FSTL5: variants seen among roughly 807,000 people sequenced by gnomAD.
FSTL5 encodes follistatin like 5.
FSTL5 carries 62 observed loss-of-function variants against 89.1 expected under a neutral mutation model. The observed-to-expected ratio is 0.70, with a 90% CI of 0.57 to 0.86. FSTL5 has a LOEUF of 0.86. Among genes scored for constraint, FSTL5 ranks in the 40% least tolerant of loss-of-function variants. The pLI, the probability that FSTL5 is intolerant of heterozygous loss-of-function variation, is 0.00. For missense variants in FSTL5, 1,057 were observed against 1,001.6 expected, an observed-to-expected ratio of 1.06 and a Z score of -0.75; for synonymous variants, 383 against 346.2, an observed-to-expected ratio of 1.11 and a Z score of -1.18.
chr4:162,129,648 G>C (rs377028056), intron 1 of FSTL5, among the ~76,000 whole-genome samples: 1 of 152,102 alleles, frequency 6.6e-6, no homozygotes, highest in African/African-American at 2.4e-5. Context: ...ATAAGAGAAG[G>C]CATCTCACAG....
At chr4:161,566,100 CTATA>C (rs59511238) in intron 8 of FSTL5, among the ~76,000 whole-genome samples, 1,474 of 53,894 alleles carry the variant, frequency 0.027, 38 homozygotes, top group South Asian at 0.11. Context: ...TTTTTTTGGA[CTATA>C]TATATATATA....
At chr4:161,565,878 T>C (rs77736077) in intron 8 of FSTL5, among the ~76,000 whole-genome samples, 5,322 of 151,108 alleles carry the variant, frequency 0.035, 314 homozygotes, top group African/African-American at 0.12. Flanking sequence ...GGTGAACATA[T>C]GTGTGCAGAT....
chr4:162,147,125 T>A (rs1432689908), intron 1 of FSTL5, among the ~76,000 whole-genome samples: 1 of 152,110 alleles, frequency 6.6e-6, no homozygotes, highest in East Asian at 1.9e-4. Flanking sequence ...GAACATAAAA[T>A]GAAATTTAGT....
intron 13 of FSTL5, among the ~76,000 whole-genome samples, chr4:161,471,557 C>T (rs772113774): frequency 2.2e-4 from 34 of 152,146 alleles, no homozygotes; most frequent in Non-Finnish European, 4.0e-4. Context: ...CACAGCAATG[C>T]TTGCTTCATA....
chr4:162,106,236 A>AG lies in FSTL5; in HGVS notation c.126+5034dup, dbSNP rs199526872. Among the ~76,000 whole-genome samples the AG allele has an allele frequency of 2.6e-5, 4 of 152,322 alleles. No homozygotes were observed. The East Asian group carries it at 7.7e-4, about 29-fold the overall frequency. On this transcript the variant is annotated intron_variant, in intron 2 of 15. Coordinates refer to ENST00000306100, the MANE Select transcript of FSTL5 (RefSeq NM_020116.5). ...ACCATAAGTCAATTTAGATTTGTGGAGGTAGCTCTGCACTACAAAGTTGGA... is the reference window on the plus strand; with the variant it reads ...ACCATAAGTCAATTTAGATTTGTGGAGGGTAGCTCTGCACTACAAAGTTGGA...
chr4:161,470,308 C>T (rs1247461298), intron 13 of FSTL5, among the ~76,000 whole-genome samples: 1 of 152,090 alleles, frequency 6.6e-6, no homozygotes, highest in East Asian at 1.9e-4. Flanking sequence ...CATTCTTTTG[C>T]ATGTGGACAT....
intron 3 of FSTL5, among the ~76,000 whole-genome samples, chr4:161,928,478 T>G (rs148110244): frequency 9.0e-4 from 137 of 151,926 alleles, no homozygotes; most frequent in Non-Finnish European, 1.7e-3. Context: ...TATTTAGTTT[T>G]ATAAAAAACT....
At chr4:161,997,839 C>T (rs1216247624) in intron 3 of FSTL5, among the ~76,000 whole-genome samples, 2 of 152,118 alleles carry the variant, frequency 1.3e-5, no homozygotes, top group African/African-American at 2.4e-5. Flanking sequence ...CTCCTGACCT[C>T]GTGATCCGCC....
intron 3 of FSTL5, among the ~76,000 whole-genome samples, chr4:161,984,926 G>T (rs1454435504): frequency 6.6e-6 from 1 of 151,050 alleles, no homozygotes; most frequent in Non-Finnish European, 1.5e-5. Context: ...TTTGTCTTAT[G>T]TCTTGCTCTC....
intron 3 of FSTL5, among the ~76,000 whole-genome samples, chr4:161,927,676 A>G (rs1416060965): frequency 6.6e-6 from 1 of 151,762 alleles, no homozygotes; most frequent in Admixed American, 6.6e-5. Flanking sequence ...CAAATAGTGT[A>G]TTAATTTAAA....
intron 4 of FSTL5, among the ~76,000 whole-genome samples, chr4:161,846,553 C>T (rs557107903): frequency 6.9e-4 from 105 of 152,136 alleles, no homozygotes; most frequent in African/African-American, 1.9e-3. Context: ...TAACTTACTC[C>T]ATAAATTTTT....
intron 3 of FSTL5, among the ~76,000 whole-genome samples, chr4:161,963,536 C>T (rs1027217261): frequency 6.6e-6 from 1 of 151,852 alleles, no homozygotes; most frequent in African/African-American, 2.4e-5. Flanking sequence ...CGTGACCGAA[C>T]ACTCATATAA....
chr4:162,046,328 A>T (rs185450735), intron 2 of FSTL5, among the ~76,000 whole-genome samples: 10 of 152,228 alleles, frequency 6.6e-5, no homozygotes, highest in Admixed American at 6.6e-4. Flanking sequence ...GCATTTGCTG[A>T]GTTATGGGGT....
At chr4:161,971,063 C>T (rs1366685737) in intron 3 of FSTL5, among the ~76,000 whole-genome samples, 3 of 151,946 alleles carry the variant, frequency 2.0e-5, no homozygotes, top group African/African-American at 4.8e-5. Flanking sequence ...TAATGATTTC[C>T]TACTTAATGT....
At chr4:161,426,570 G>C (rs931184280) in intron 15 of FSTL5, among the ~76,000 whole-genome samples, 1 of 152,100 alleles carries the variant, frequency 6.6e-6, no homozygotes, top group Non-Finnish European at 1.5e-5. Context: ...CTCAAAGCTC[G>C]AGGGAACAAA....
chr4:161,694,388 G>A (rs911002127), intron 6 of FSTL5, among the ~76,000 whole-genome samples: 1 of 151,828 alleles, frequency 6.6e-6, no homozygotes, highest in African/African-American at 2.4e-5. Context: ...GCTCAAATCT[G>A]CTATTAAAAG....
chr4:161,627,079 G>T (rs1343057202), intron 7 of FSTL5, among the ~76,000 whole-genome samples: 1 of 152,170 alleles, frequency 6.6e-6, no homozygotes, highest in Non-Finnish European at 1.5e-5. Flanking sequence ...TTGATAAAGG[G>T]TTTAAGATAA....
chr4:161,979,651 CAA>C (rs1735759111), intron 3 of FSTL5, among the ~76,000 whole-genome samples: 1 of 151,952 alleles, frequency 6.6e-6, no homozygotes, highest in South Asian at 2.1e-4. Flanking sequence ...TAAATAATAT[CAA>C]ATTGTACAAA....
At chr4:161,474,332 A>G (rs1474324051) in intron 13 of FSTL5, among the ~76,000 whole-genome samples, 1 of 152,206 alleles carries the variant, frequency 6.6e-6, no homozygotes, top group Non-Finnish European at 1.5e-5. Flanking sequence ...TTCTTAAATT[A>G]TGTAGAAAAC....
Sources: allele counts gnomAD v4.1 joint callset (sites outside exome capture counted in the v4.1 genomes callset), GRCh38; gene constraint gnomAD v4.1.1; transcripts MANE v1.5; gene names NCBI Gene and HGNC (gene_info 2026-07-23, HGNC 2026-07-21).